Variants in NCMAP observed in about 807,000 individuals in gnomAD.
NCMAP encodes the protein noncompact myelin-associated protein.
A neutral mutation model predicts 7.8 loss-of-function variants in NCMAP; 8 were observed. The ratio of observed to expected loss-of-function variants is 1.02; its 90% CI spans 0.60 to 1.84. NCMAP has a LOEUF of 1.84. Among genes scored for constraint, NCMAP ranks in the 40% most tolerant of loss-of-function variants. NCMAP has a pLI of 0.00. For synonymous variants in NCMAP, 41 were observed against 52.9 expected, an observed-to-expected ratio of 0.78 and a Z score of 0.98; for missense variants, 112 against 131.4, an observed-to-expected ratio of 0.85 and a Z score of 0.72.
chr1:24,558,090 G>A (rs943099215), intron 1 of NCMAP, among the ~76,000 whole-genome samples: 2 of 152,188 alleles, frequency 1.3e-5, no homozygotes, highest in South Asian at 4.1e-4. Context: ...CCATCTCCCT[G>A]GGTTGACCAC....
chr1:24,573,049 G>T (rs1038090343), intron 1 of NCMAP, among the ~76,000 whole-genome samples: 1 of 150,360 alleles, frequency 6.7e-6, no homozygotes, highest in Admixed American at 6.6e-5. Flanking sequence ...TGACTGTGTG[G>T]GAAGTGTCCA....
At chr1:24,557,449 G>A (rs1283769802) in intron 1 of NCMAP, among the ~76,000 whole-genome samples, 2 of 150,796 alleles carry the variant, frequency 1.3e-5, no homozygotes, top group East Asian at 3.9e-4. Flanking sequence ...GTGTGCACGT[G>A]TGTGCGTGTG....
rs1652630970 is a variant in NCMAP at position 24,604,595 on chromosome 1, AAAAAAAAAAAATATATATATATATATAT to A, written c.168-1009_168-982del. Among the ~76,000 whole-genome samples the A allele has an allele frequency of 1.7e-4, 11 of 65,074 alleles. 2 individuals are homozygous for A. The highest frequency in any genetic ancestry group is 9.0e-4 in the African/African-American group (10 of 11,094). 42.7% of individuals were successfully genotyped at this position (65,074 alleles called of 152,430 possible). A position where few individuals can be genotyped will look rare whatever the true frequency, so the allele number is the denominator to read the frequency against. Reference sequence around the variant, plus strand: ...GTCTAAAAAAAAAAAAAAAAAAAAAAAAAAAAAAAAATATATATATATATATATATATATATATATATATATATATATA... The same window carrying A: ...GTCTAAAAAAAAAAAAAAAAAAAAAAATATATATATATATATATATATATA... On this transcript the variant is annotated intron_variant, in intron 3 of 3. Coordinates refer to ENST00000374392, the MANE Select transcript of NCMAP (RefSeq NM_001010980.5).
At chr1:24,586,440 G>C (rs1651882469) in intron 1 of NCMAP, among the ~76,000 whole-genome samples, 3 of 152,196 alleles carry the variant, frequency 2.0e-5, no homozygotes, top group South Asian at 4.1e-4. Flanking sequence ...GACTGTCACT[G>C]CCGCTCTCTT....
chr1:24,602,569 CA>C lies in NCMAP; in HGVS notation c.167+1568del, dbSNP rs10630961. Among the ~76,000 whole-genome samples the C allele has an allele frequency of 8.3e-3, 333 of 40,056 alleles. 4 individuals carry two copies. The highest frequency in any genetic ancestry group is 0.039 in the African/African-American group (271 of 6,880). The allele number at this position is 40,056 out of a possible 152,430, so 26.3% of individuals were successfully genotyped here. On this transcript the variant is annotated intron_variant, in intron 3 of 3. Coordinates refer to ENST00000374392, the MANE Select transcript of NCMAP (RefSeq NM_001010980.5). ...TGGGCGACAGAACGAGACTCCATCT[CA>C]AAAAAAAAAAAAAAAAAAAAAAGAA...
At position 24,576,665 on chromosome 1, in the gene NCMAP, C is replaced by T. The variant is rs1169518077; in HGVS notation, c.-7-18759C>T. 6.6e-6 allele frequency among the ~76,000 whole-genome samples: 1 copy of T among 152,094 alleles called. No individual in the cohort carries two copies. The highest frequency in any genetic ancestry group is 1.5e-5 in the Non-Finnish European group (1 of 68,002). On this transcript the variant is annotated intron_variant, in intron 1 of 3. Coordinates refer to ENST00000374392, the MANE Select transcript of NCMAP (RefSeq NM_001010980.5). The surrounding 1 kb of genome is among the most constrained non-coding windows in gnomAD (Gnocchi z 4.0). The stretch of plus-strand genomic sequence containing the variant: ...GTCCAGACAGAACAAGTGGCCTGCC[C>T]CAGGTCACACAGAAAGTAAGTAACA...
intron 1 of NCMAP, among the ~76,000 whole-genome samples, chr1:24,559,456 G>T (rs1650987958): frequency 6.6e-6 from 1 of 152,240 alleles, no homozygotes; most frequent in African/African-American, 2.4e-5. Flanking sequence ...CCTGAGCAGG[G>T]CAGGGGTGTG....
chr1:24,596,818 C>G (rs778637116), intron 2 of NCMAP, among the ~76,000 whole-genome samples: 1 of 152,154 alleles, frequency 6.6e-6, no homozygotes, highest in Non-Finnish European at 1.5e-5. Flanking sequence ...AGGCATTTGC[C>G]GTGAACTAGT....
chr1:24,587,216 T>G (rs1284920403), intron 1 of NCMAP, among the ~76,000 whole-genome samples: 1 of 152,112 alleles, frequency 6.6e-6, no homozygotes, highest in East Asian at 1.9e-4. Context: ...CACAGAGGAA[T>G]GAGGAACCCA....
chr1:24,562,069 T>C (rs1237526151), intron 1 of NCMAP, among the ~76,000 whole-genome samples: 3 of 152,214 alleles, frequency 2.0e-5, no homozygotes, highest in Non-Finnish European at 4.4e-5. Context: ...CTCAACTTTT[T>C]AAGATCCATG....
chr1:24,592,923 T>A (rs144257724), intron 1 of NCMAP, among the ~76,000 whole-genome samples: 1,663 of 151,274 alleles, frequency 0.011, 26 homozygotes, highest in African/African-American at 0.036. Context: ...CTCACGCCTG[T>A]AATCCCAGCA....
At chr1:24,566,008 C>T (rs56109809) in intron 1 of NCMAP, among the ~76,000 whole-genome samples, 19,841 of 152,070 alleles carry the variant, frequency 0.13, 1,825 homozygotes, top group African/African-American at 0.26. Flanking sequence ...CGCTTGGCAC[C>T]TCTCCTACCT....
At chr1:24,597,778 T>C (rs1652312172) in intron 2 of NCMAP, among the ~76,000 whole-genome samples, 1 of 152,178 alleles carries the variant, frequency 6.6e-6, no homozygotes, top group African/African-American at 2.4e-5. Context: ...AATAAAAATA[T>C]AGAATGCCCA....
At chr1:24,590,781 T>C (rs1652025227) in intron 1 of NCMAP, among the ~76,000 whole-genome samples, 1 of 152,106 alleles carries the variant, frequency 6.6e-6, no homozygotes, top group Non-Finnish European at 1.5e-5. Flanking sequence ...GGCTAATTTG[T>C]GCTTATTTTT....
intron 1 of NCMAP, among the ~76,000 whole-genome samples, chr1:24,560,967 C>T (rs886298572): frequency 5.3e-5 from 8 of 151,916 alleles, no homozygotes; most frequent in African/African-American, 1.7e-4. Context: ...TCCATGGTGC[C>T]CTTGGGGATG....
In NCMAP at chr1:24,597,694, G is replaced by GAAAGAAAGAGAAAGAAGGAA. The variant is rs138105001; in HGVS notation, c.82+2183_82+2184insAAGAAAGAGAAAGAAGGAAA. On this transcript the variant is annotated intron_variant, in intron 2 of 3. Coordinates refer to ENST00000374392, the MANE Select transcript of NCMAP (RefSeq NM_001010980.5). ...AAGAAAAGAAAAAGAAAGAAAGAAAGAGAAAGAAGGAAAGATTGGTTGGTT... is the reference window on the plus strand; with the variant it reads ...AAGAAAAGAAAAAGAAAGAAAGAAAGAAAGAAAGAGAAAGAAGGAAAGAAAGAAGGAAAGATTGGTTGGTT... Among the ~76,000 whole-genome samples the GAAAGAAAGAGAAAGAAGGAA allele has an allele frequency of 1.9e-3, 246 of 127,874 alleles. 1 individual carries two copies. In the Middle Eastern group the frequency reaches 0.024, roughly 13 times the overall value. 83.9% of individuals were successfully genotyped at this position (127,874 alleles called of 152,430 possible). A position where few individuals can be genotyped will look rare whatever the true frequency, so the allele number is the denominator to read the frequency against.
chr1:24,594,890 T>TA (rs915226680), intron 1 of NCMAP, among the ~76,000 whole-genome samples: 45 of 112,120 alleles, frequency 4.0e-4, no homozygotes, highest in African/African-American at 9.5e-4. Context: ...GACCTTTATG[T>TA]AAAAAAAAAA....
At chr1:24,600,757 G>A (rs186179281) in intron 2 of NCMAP, among the ~76,000 whole-genome samples, 183 bp from the exon 3 acceptor site, 209 of 152,282 alleles carry the variant, frequency 1.4e-3, no homozygotes, top group African/African-American at 4.9e-3. Flanking sequence ...AGCGCAGCTC[G>A]GGGCAGGGGT....
chr1:24,603,218 G>A (rs1305584600), intron 3 of NCMAP, among the ~76,000 whole-genome samples: 1 of 151,946 alleles, frequency 6.6e-6, no homozygotes, highest in Non-Finnish European at 1.5e-5. Context: ...CAATTTTGTA[G>A]GTATAGAAAC....
Sources: allele counts gnomAD v4.1 joint callset (sites outside exome capture counted in the v4.1 genomes callset), GRCh38; gene constraint gnomAD v4.1.1; non-coding constraint Gnocchi (gnomAD v3.1); transcripts MANE v1.5; gene names NCBI Gene and HGNC (gene_info 2026-07-23, HGNC 2026-07-21).